The following PHF2 variants were observed in gnomAD, a reference collection of about 807,000 sequenced individuals.
PHF2 encodes lysine-specific demethylase PHF2.
PHF2 carries 27 observed loss-of-function variants against 120.5 expected under a neutral mutation model. That is an observed-to-expected ratio of 0.22 (90% CI 0.17 to 0.31). The LOEUF (loss-of-function observed/expected upper bound fraction) is 0.31, where lower values mean the gene tolerates loss of function less well. Ranked by LOEUF, PHF2 falls within the 10% of genes least tolerant of loss-of-function variation. PHF2 has a pLI of 1.00. For missense variants in PHF2, 1,024 were observed against 1,434.8 expected (o/e 0.71, Z 4.63); for synonymous variants, 568 against 592.5 (o/e 0.96, Z 0.60).
intron 1 of PHF2, among the ~76,000 whole-genome samples, chr9:93,614,604 G>A (rs1257322678): frequency 6.6e-5 from 10 of 152,194 alleles, no homozygotes; most frequent in Admixed American, 5.9e-4. Context: ...TCTTCAGCTC[G>A]CAGTCCTGGA....
At chr9:93,586,638 A>G (rs761530864) in intron 1 of PHF2, among the ~76,000 whole-genome samples, 19 of 152,256 alleles carry the variant, frequency 1.2e-4, no homozygotes, top group Non-Finnish European at 2.5e-4. Context: ...CTGAGTCTCA[A>G]AATGGCCCAG....
intron 17 of PHF2, among the ~76,000 whole-genome samples, chr9:93,669,034 T>C (rs1826733380): frequency 6.6e-6 from 1 of 152,234 alleles, no homozygotes; most frequent in African/African-American, 2.4e-5. Flanking sequence ...GATTTGAGTA[T>C]GATAATTGGT....
intron 1 of PHF2, among the ~76,000 whole-genome samples, chr9:93,625,981 G>C (rs1825908537): frequency 6.6e-6 from 1 of 152,040 alleles, no homozygotes; most frequent in Non-Finnish European, 1.5e-5. Context: ...GGTGGCTCAT[G>C]CCTATAATCC....
In PHF2 at chr9:93,636,440, G is replaced by A. The variant is rs373915273; in HGVS notation, c.214G>A (p.Gly72Ser). 4 of 1,609,844 alleles carry A rather than the reference G, an allele frequency of 2.5e-6. No individual in the cohort carries two copies. The highest frequency in any genetic ancestry group is 2.7e-5 in the African/African-American group (2 of 74,868). ...LKKKRTWHKHGPGQAPDVKPV... is the reference protein window; with the variant it reads ...LKKKRTWHKHSPGQAPDVKPV... ...GAAGAAGCGGACCTGGCACAAACACGGCCCGGGGCAAGCGCCTGACGTCAA... is the reference window on the plus strand; with the variant it reads ...GAAGAAGCGGACCTGGCACAAACACAGCCCGGGGCAAGCGCCTGACGTCAA... The change falls in exon 3 of 22, where the codon GGC becomes AGC. Residue 72 changes from glycine (G) to serine (S), a missense_variant. Coordinates refer to ENST00000359246, the MANE Select transcript of PHF2 (RefSeq NM_005392.4).
At position 93,645,704 on chromosome 9, in the gene PHF2, G is replaced by A; in HGVS notation, c.375G>A (p.Glu125=). ...ACATGGAGGAGCACGGCTTCACCGA[G>A]CCCATCCTCGTCCCTAAGAAAGACG... The part of the protein sequence containing the change: ...LGYMEEHGFT[E]PILVPKKDGL... The change falls in exon 4 of 22, where the codon GAG becomes GAA. Residue 125 remains glutamate, a synonymous_variant. Coordinates refer to ENST00000359246, the MANE Select transcript of PHF2 (RefSeq NM_005392.4). 3.7e-6 allele frequency: 6 copies of A among 1,612,742 alleles called. No homozygotes were observed. The highest frequency in any genetic ancestry group is 1.1e-5 in the South Asian group (1 of 90,972).
intron 3 of PHF2, among the ~76,000 whole-genome samples, chr9:93,639,981 T>A (rs1826150510): frequency 6.6e-6 from 1 of 152,246 alleles, no homozygotes; most frequent in Non-Finnish European, 1.5e-5. Context: ...CTTAAATAGA[T>A]GTTTCTTCAT....
At chr9:93,591,296 A>G (rs925532526) in intron 1 of PHF2, among the ~76,000 whole-genome samples, 5 of 152,300 alleles carry the variant, frequency 3.3e-5, no homozygotes, top group Non-Finnish European at 4.4e-5. Flanking sequence ...TAGATTTTAA[A>G]CTACTCTTTG....
chr9:93,665,741 T>G lies in PHF2; in HGVS notation c.1993T>G (p.Phe665Val), dbSNP rs1312256224. Reference sequence around the variant, plus strand: ...TGGTGTGTTCGGGGCCTTGCAGAACTTCAAGGAGGACAAGCCCAAGCCCGT... The same window carrying G: ...TGGTGTGTTCGGGGCCTTGCAGAACGTCAAGGAGGACAAGCCCAAGCCCGT... ...SPGVFGALQN[F>V]KEDKPKPVRD... The change falls in exon 15 of 22, where the codon TTC becomes GTC. Residue 665 changes from phenylalanine (F) to valine (V), a missense_variant. By Grantham distance (50) the Phe-to-Val change is conservative. Around this residue, in one of 2 missense-constraint regions of PHF2, gnomAD observed 677 missense variants for 857.4 expected, o/e 0.79. Coordinates refer to ENST00000359246, the MANE Select transcript of PHF2 (RefSeq NM_005392.4). 6.2e-7 allele frequency: 1 copy of G among 1,614,028 alleles called. No homozygotes were observed. Among genetic ancestry groups the G allele is most frequent in the African/African-American group, 1.3e-5 (1 of 75,048 alleles).
In PHF2 at chr9:93,655,999, C is replaced by A. The variant is rs1201430170; in HGVS notation, c.1018C>A (p.Leu340Met). ...CTTCGCGGGACATTTCCTCCACAGC[C>A]TGAGTGTGGAGATGCAGATGAGGTA... Reference protein sequence around the residue: ...LAFAGHFLHSLSVEMQMRAYE... With the variant: ...LAFAGHFLHSMSVEMQMRAYE... Residue 340 changes from leucine to methionine, a missense_variant, in exon 8 of 22, where the codon CTG becomes ATG. Leu to Met is a conservative substitution (Grantham distance 15). Transcript: ENST00000359246. The A allele has an allele frequency of 6.2e-7, 1 of 1,612,640 alleles. No homozygotes were observed.
Position 93,653,260 on chromosome 9 carries a change from G to A in PHF2, c.684G>A (p.Leu228=). 1.2e-6 allele frequency: 2 copies of A among 1,614,188 alleles called. No homozygotes were observed. The highest frequency in any genetic ancestry group is 1.3e-5 in the African/African-American group (1 of 75,066). The change falls in exon 6 of 22, where the codon CTG becomes CTA. Residue 228 remains leucine (L), a synonymous_variant. Coordinates refer to ENST00000359246, the MANE Select transcript of PHF2 (RefSeq NM_005392.4). ...VENYWPDDAL[L]AKPKVTKYCL... ...ACTACTGGCCAGATGATGCATTGCT[G>A]GCCAAGCCCAAAGTGACCAAGTACT...
chr9:93,663,419 G>A (rs999770739), intron 13 of PHF2, 98 bp from the exon 14 acceptor site: 17 of 780,770 alleles, frequency 2.2e-5, no homozygotes, highest in Admixed American at 9.2e-5. Context: ...TTCCTTAGTC[G>A]TGTTCCCAGT....
rs564406055 is a variant in PHF2 at position 93,659,608 on chromosome 9, C to T, written c.1329+8C>T. ...GAGATCCGGCTCAGTGAGGTGGGGC[C>T]GTGTCCAGGTGCTGGGCTGGACCCC... On this transcript the variant is annotated splice_region_variant and intron_variant, in intron 11 of 21. Coordinates refer to ENST00000359246, the MANE Select transcript of PHF2 (RefSeq NM_005392.4). The T allele has an allele frequency of 6.1e-5, 98 of 1,613,044 alleles. No homozygotes were observed. Among genetic ancestry groups the T allele is most frequent in the East Asian group, 4.5e-4 (20 of 44,882 alleles).
chr9:93,671,349 G>A (rs1211865826), intron 17 of PHF2, among the ~76,000 whole-genome samples: 8 of 130,750 alleles, frequency 6.1e-5, no homozygotes, highest in Admixed American at 5.9e-4. Flanking sequence ...TGGGAGTAGG[G>A]TCAGGTGTAG....
intron 1 of PHF2, among the ~76,000 whole-genome samples, chr9:93,581,832 G>A (rs1298954906): frequency 6.6e-6 from 1 of 152,024 alleles, no homozygotes; most frequent in Admixed American, 6.6e-5. Flanking sequence ...GTAGTGCCTC[G>A]ACATGTGCCA....
In PHF2 at chr9:93,576,679, GC is replaced by G; in HGVS notation, c.-90del. ...GCCGCGGCGCCGCCTGCGCCCCGCC[GC>G]CCCCGCCGCCCCCGCGCGGCCCGGC... On this transcript the variant is annotated 5_prime_UTR_variant, in exon 1 of 22. Transcript: ENST00000359246. 1 of 234,680 alleles carries G rather than the reference GC, an allele frequency of 4.3e-6. No homozygotes were observed. The highest frequency in any genetic ancestry group is 6.7e-6 in the Non-Finnish European group (1 of 149,098). The allele number at this position is 234,680 out of a possible 1,614,324, so 14.5% of individuals were successfully genotyped here. A position where few individuals can be genotyped will look rare whatever the true frequency, so the allele number is the denominator to read the frequency against.
At chr9:93,676,484 C>T in intron 20 of PHF2, 110 bp from the exon 21 acceptor site, 3 of 1,357,100 alleles carry the variant, frequency 2.2e-6, no homozygotes, top group Non-Finnish European at 3.0e-6. Flanking sequence ...CCCCTGCTGC[C>T]CAGCCCTGCT....
At chr9:93,609,635 C>T (rs559558792) in intron 1 of PHF2, among the ~76,000 whole-genome samples, 140 of 152,054 alleles carry the variant, frequency 9.2e-4, no homozygotes, top group Non-Finnish European at 1.6e-3. Flanking sequence ...GAAGTCCAAG[C>T]GCAATTCTGT....
chr9:93,602,382 A>G (rs547921936), intron 1 of PHF2, among the ~76,000 whole-genome samples: 2 of 149,284 alleles, frequency 1.3e-5, no homozygotes, highest in South Asian at 4.2e-4. Context: ...CCTCCTGAGT[A>G]GCTGGGATTA....
chr9:93,599,930 C>T (rs941715371), intron 1 of PHF2, among the ~76,000 whole-genome samples: 7 of 152,166 alleles, frequency 4.6e-5, no homozygotes, highest in Non-Finnish European at 8.8e-5. Flanking sequence ...TCAGTGAAGA[C>T]TTTGAGGCCA....
Sources: allele counts gnomAD v4.1 joint callset (sites outside exome capture counted in the v4.1 genomes callset), GRCh38; gene constraint gnomAD v4.1.1; regional missense constraint gnomAD v4.1.1; transcripts MANE v1.5; gene names NCBI Gene and HGNC (gene_info 2026-07-23, HGNC 2026-07-21).